Variants in HMGCLL1 observed in about 807,000 individuals in gnomAD.
The protein encoded by HMGCLL1 is 3-hydroxymethyl-3-methylglutaryl-CoA lyase, cytoplasmic.
In HMGCLL1, 36 loss-of-function variants were observed where a neutral mutation model predicts 39.1. That is an observed-to-expected ratio of 0.92 (90% CI 0.71 to 1.22). The LOEUF (loss-of-function observed/expected upper bound fraction) is 1.22. Among genes scored for constraint, HMGCLL1 ranks in the 50% most tolerant of loss-of-function variants. HMGCLL1 has a pLI of 0.00. For missense variants in HMGCLL1, 451 were observed against 416.5 expected, an observed-to-expected ratio of 1.08 and a Z score of -0.72; for synonymous variants, 149 against 144.0, an observed-to-expected ratio of 1.03 and a Z score of -0.25.
Position 55,542,493 on chromosome 6 carries a change from A to G in HMGCLL1, c.109-353T>C, listed in dbSNP as rs1449842624. 2.6e-5 allele frequency among the ~76,000 whole-genome samples: 4 copies of G among 152,042 alleles called. No individual in the cohort carries two copies. In the South Asian group the frequency reaches 6.2e-4, roughly 24 times the overall value. On this transcript the variant is annotated intron_variant, in intron 1 of 8. Coordinates refer to ENST00000274901, the MANE Select transcript of HMGCLL1 (RefSeq NM_001042406.2). ...CTGTTAGAGTTCATTTAAAAATTAC[A>G]TCTTGACCAGGCACAGTGGCTCACG... is the stretch of plus-strand genomic sequence containing the variant.
intron 1 of HMGCLL1, among the ~76,000 whole-genome samples, chr6:55,552,885 T>C (rs1256929917): frequency 2.0e-5 from 3 of 151,930 alleles, no homozygotes; most frequent in Non-Finnish European, 4.4e-5. Context: ...CTCACACCTG[T>C]AATCCCAGCA....
At chr6:55,446,901 A>AT (rs1763870129) in intron 7 of HMGCLL1, among the ~76,000 whole-genome samples, 1 of 152,018 alleles carries the variant, frequency 6.6e-6, no homozygotes, top group Admixed American at 6.6e-5. Context: ...AGTCATCTAC[A>AT]TTTTTTATCC....
At chr6:55,596,769 G>C in the HMGCLL1 span, among the ~76,000 whole-genome samples, 2 of 152,124 alleles carry the variant, frequency 1.3e-5, no homozygotes, top group African/African-American at 4.8e-5. Flanking sequence ...TCAGCAATTA[G>C]TTCATGAAGT....
intron 5 of HMGCLL1, 80 bp downstream of exon 5, chr6:55,513,968 A>G (rs999632846): frequency 3.3e-6 from 4 of 1,204,830 alleles, no homozygotes; most frequent in Admixed American, 2.2e-5. Flanking sequence ...TATAAATGAT[A>G]TAAGAATCTC....
chr6:55,448,612 G>A (rs1277564429), intron 7 of HMGCLL1, among the ~76,000 whole-genome samples: 1 of 151,886 alleles, frequency 6.6e-6, no homozygotes, highest in Non-Finnish European at 1.5e-5. Context: ...GGCTCACATG[G>A]CTTGAATTCC....
At chr6:55,446,265 TATATTTATAACATATTTATTTAA>T (rs1442173019) in intron 7 of HMGCLL1, among the ~76,000 whole-genome samples, 2 of 148,360 alleles carry the variant, frequency 1.3e-5, no homozygotes, top group Non-Finnish European at 3.0e-5. Flanking sequence ...ATATAACATG[TATATTTATAACATATTTATTTAA>T]ATATTTATAA....
At chr6:55,616,262 C>T in the HMGCLL1 span, among the ~76,000 whole-genome samples, 1 of 152,076 alleles carries the variant, frequency 6.6e-6, no homozygotes, top group South Asian at 2.1e-4. Flanking sequence ...TTCATAAACC[C>T]TTGCCTACTG....
At chr6:55,640,426 TAGA>T in the HMGCLL1 span, among the ~76,000 whole-genome samples, 1 of 151,832 alleles carries the variant, frequency 6.6e-6, no homozygotes, top group Non-Finnish European at 1.5e-5. Context: ...AAAGAAGACA[TAGA>T]GGAGTACATA....
the HMGCLL1 span, among the ~76,000 whole-genome samples, chr6:55,627,353 A>G: frequency 4.6e-5 from 7 of 152,086 alleles, no homozygotes; most frequent in East Asian, 1.2e-3. Context: ...ATGTAATAGT[A>G]TTTGGTTTGG....
chr6:55,664,356 G>T, the HMGCLL1 span, among the ~76,000 whole-genome samples: 1 of 151,694 alleles, frequency 6.6e-6, no homozygotes, highest in African/African-American at 2.4e-5. Context: ...TGTAAGGCAG[G>T]TCTGGTAGTA....
At chr6:55,595,035 A>G in the HMGCLL1 span, among the ~76,000 whole-genome samples, 1 of 152,216 alleles carries the variant, frequency 6.6e-6, no homozygotes, top group East Asian at 1.9e-4. Context: ...CAATATTTCA[A>G]TGACAATTTC....
At chr6:55,532,839 TAA>T (rs1768767947) in intron 3 of HMGCLL1, among the ~76,000 whole-genome samples, 2 of 147,948 alleles carry the variant, frequency 1.4e-5, no homozygotes, top group African/African-American at 4.9e-5. Context: ...ATAATAATAA[TAA>T]TAATAATAAT....
chr6:55,629,634 G>A, the HMGCLL1 span, among the ~76,000 whole-genome samples: 1 of 152,122 alleles, frequency 6.6e-6, no homozygotes, highest in African/African-American at 2.4e-5. Context: ...CACAGGCTTG[G>A]AGGCCTAGGA....
At chr6:55,609,091 C>T in the HMGCLL1 span, among the ~76,000 whole-genome samples, 5 of 152,326 alleles carry the variant, frequency 3.3e-5, no homozygotes, top group Admixed American at 6.5e-5. Context: ...GAGCCCACGC[C>T]ACCGGGGCCT....
the HMGCLL1 span, among the ~76,000 whole-genome samples, chr6:55,627,932 TATATATATAGTATATATACTATATATATA>T: frequency 7.7e-3 from 5 of 650 alleles, 1 homozygote; most frequent in East Asian, 0.011. Context: ...ATATATATAC[TATATATATAGTATATATACTATATATATA>T]ATATATATAT....
intron 7 of HMGCLL1, among the ~76,000 whole-genome samples, chr6:55,447,256 T>C (rs1763895390): frequency 6.6e-6 from 1 of 151,968 alleles, no homozygotes; most frequent in Non-Finnish European, 1.5e-5. Flanking sequence ...TTGATGTGTA[T>C]TGTGAACATA....
chr6:55,497,440 T>C (rs1478581363), intron 6 of HMGCLL1, among the ~76,000 whole-genome samples: 3 of 152,182 alleles, frequency 2.0e-5, no homozygotes, highest in Non-Finnish European at 2.9e-5. Context: ...CGCTCATTCA[T>C]TTAATATGCA....
the HMGCLL1 span, among the ~76,000 whole-genome samples, chr6:55,639,216 A>G: frequency 1.8e-4 from 28 of 152,122 alleles, no homozygotes; most frequent in East Asian, 2.3e-3. Context: ...TACTATTATT[A>G]TTCCTAATAA....
chr6:55,562,120 T>C (rs1770977946), intron 1 of HMGCLL1, among the ~76,000 whole-genome samples: 1 of 152,164 alleles, frequency 6.6e-6, no homozygotes, highest in South Asian at 2.1e-4. Flanking sequence ...TTCTTTTAGA[T>C]GAGGAACCCA....
Sources: gnomAD v4.1 joint callset for allele counts (sites outside exome capture counted in the v4.1 genomes callset) on GRCh38, gnomAD v4.1.1 for gene constraint, MANE v1.5 for transcripts, NCBI Gene and HGNC (gene_info 2026-07-23, HGNC 2026-07-21) for gene names.